VAV3: variants seen among roughly 807,000 people sequenced by gnomAD.
VAV3 encodes the protein vav guanine nucleotide exchange factor 3.
Under a neutral mutation model 131.2 loss-of-function variants are expected in VAV3, and 94 were observed. The ratio of observed to expected loss-of-function variants is 0.72; its 90% CI spans 0.61 to 0.85. VAV3 has a LOEUF of 0.85. Ranked by LOEUF, VAV3 falls within the 40% of genes least tolerant of loss-of-function variation. VAV3 has a pLI of 0.00. For synonymous variants in VAV3, 349 were observed against 342.0 expected, an observed-to-expected ratio of 1.02 and a Z score of -0.22; for missense variants, 939 against 1,002.7, an observed-to-expected ratio of 0.94 and a Z score of 0.86.
intron 24 of VAV3, among the ~76,000 whole-genome samples, chr1:107,598,801 TACAC>T (rs35317053): frequency 3.3e-4 from 49 of 149,860 alleles, no homozygotes; most frequent in Non-Finnish European, 3.0e-4. Context: ...GTCTCTGGAA[TACAC>T]ACACACACAC....
chr1:107,741,007 C>G (rs1662988691), intron 15 of VAV3, among the ~76,000 whole-genome samples: 1 of 152,202 alleles, frequency 6.6e-6, no homozygotes, highest in Non-Finnish European at 1.5e-5. Context: ...AAACAAACCT[C>G]CTGATGAAGA....
chr1:107,617,425 A>T (rs1653242728), intron 21 of VAV3, 142 bp downstream of exon 21: 1 of 640,614 alleles, frequency 1.6e-6, no homozygotes, highest in Non-Finnish European at 2.5e-6. Context: ...AACTATAATG[A>T]TGTTGAAAAT....
At chr1:107,890,055 T>C (rs896632961) in intron 1 of VAV3, among the ~76,000 whole-genome samples, 39 of 152,290 alleles carry the variant, frequency 2.6e-4, no homozygotes, top group African/African-American at 9.4e-4. Context: ...ATTTTAGCTC[T>C]GCTCACTATT....
chr1:107,852,701 A>T (rs1669281604), intron 2 of VAV3, among the ~76,000 whole-genome samples: 1 of 152,178 alleles, frequency 6.6e-6, no homozygotes, highest in Non-Finnish European at 1.5e-5. Context: ...TATGTATATC[A>T]ACTGGTATCT....
intron 1 of VAV3, among the ~76,000 whole-genome samples, chr1:107,924,392 CAA>C (rs78674521): frequency 5.2e-5 from 5 of 95,904 alleles, no homozygotes; most frequent in East Asian, 2.8e-4. Flanking sequence ...GATATTATGA[CAA>C]AAAAAAAAAA....
chr1:107,660,364 G>A (rs573032545), intron 19 of VAV3, among the ~76,000 whole-genome samples: 1 of 152,302 alleles, frequency 6.6e-6, no homozygotes, highest in South Asian at 2.1e-4. Flanking sequence ...AAGTGAGTGG[G>A]AAGGCATTTT....
chr1:107,906,055 A>T (rs1441312536), intron 1 of VAV3, among the ~76,000 whole-genome samples: 1 of 152,144 alleles, frequency 6.6e-6, no homozygotes, highest in Non-Finnish European at 1.5e-5. Flanking sequence ...AAAATCTCCT[A>T]AATTTAAAGT....
At chr1:107,709,552 T>C (rs541996281) in intron 15 of VAV3, among the ~76,000 whole-genome samples, 2 of 152,318 alleles carry the variant, frequency 1.3e-5, no homozygotes, top group South Asian at 2.1e-4. Flanking sequence ...TGTGAGAAAA[T>C]ATTTAAACTT....
At position 107,630,681 on chromosome 1, in the gene VAV3, C is replaced by T. The variant is rs1035521870; in HGVS notation, c.1914+11938G>A. On this transcript the variant is annotated intron_variant, in intron 20 of 26. Coordinates refer to ENST00000370056, the MANE Select transcript of VAV3 (RefSeq NM_006113.5). ...CTCAAAAACAATTAAAACACATTCC[C>T]AGTGGGGGAGTCACATATTTTAGGA... is the stretch of plus-strand genomic sequence containing the variant. 3.9e-5 allele frequency among the ~76,000 whole-genome samples: 6 copies of T among 152,092 alleles called. 1 individual carries two copies. The highest frequency in any genetic ancestry group is 1.4e-4 in the African/African-American group (6 of 41,416).
chr1:107,858,817 T>C (rs1178878566), intron 2 of VAV3, among the ~76,000 whole-genome samples: 1 of 152,182 alleles, frequency 6.6e-6, no homozygotes, highest in African/African-American at 2.4e-5. Flanking sequence ...TTTGGGTAAA[T>C]GCTCCATAGA....
chr1:107,649,757 G>A (rs1302578531), intron 19 of VAV3, among the ~76,000 whole-genome samples: 1 of 152,068 alleles, frequency 6.6e-6, no homozygotes, highest in East Asian at 1.9e-4. Context: ...TTTGTTCTAT[G>A]GGTTCATTCA....
chr1:107,632,054 C>G (rs1654540310), intron 20 of VAV3, among the ~76,000 whole-genome samples: 1 of 152,304 alleles, frequency 6.6e-6, no homozygotes, highest in African/African-American at 2.4e-5. Flanking sequence ...AATCACCACA[C>G]TGACTTCCAC....
chr1:107,586,139 GTTTTTT>G (rs61276973), intron 25 of VAV3, among the ~76,000 whole-genome samples: 2 of 145,794 alleles, frequency 1.4e-5, no homozygotes, highest in South Asian at 2.2e-4. Context: ...CCTTGGCATA[GTTTTTT>G]TTTTTTTTTT....
intron 15 of VAV3, among the ~76,000 whole-genome samples, chr1:107,717,801 T>G (rs1440289628): frequency 1.3e-5 from 2 of 152,186 alleles, no homozygotes; most frequent in Non-Finnish European, 2.9e-5. Context: ...CTTATTAATC[T>G]TCTGTCTCGT....
At chr1:107,756,316 C>T (rs974595021) in intron 11 of VAV3, among the ~76,000 whole-genome samples, 3 of 152,110 alleles carry the variant, frequency 2.0e-5, no homozygotes, top group African/African-American at 7.2e-5. Context: ...TCATCTGCAA[C>T]AGTAGGGACA....
At chr1:107,765,410 T>C (rs958862003) in intron 8 of VAV3, among the ~76,000 whole-genome samples, 3 of 152,224 alleles carry the variant, frequency 2.0e-5, no homozygotes, top group Non-Finnish European at 4.4e-5. Flanking sequence ...ATGTAAATTT[T>C]TATAGCAGGC....
intron 15 of VAV3, among the ~76,000 whole-genome samples, chr1:107,721,049 G>A (rs1661465422): frequency 6.6e-6 from 1 of 152,198 alleles, no homozygotes; most frequent in South Asian, 2.1e-4. Flanking sequence ...GCACAGCACA[G>A]GCTTGATATG....
At position 107,771,889 on chromosome 1, in the gene VAV3, T is replaced by C. The variant is rs548008298; in HGVS notation, c.555+846A>G. Among the ~76,000 whole-genome samples the C allele has an allele frequency of 2.2e-4, 34 of 152,350 alleles. 1 individual carries two copies. The South Asian group carries it at 7.0e-3, about 32-fold the overall frequency. Reference sequence around the variant, plus strand: ...CTGCCACAGATGGGCTGTCAGCCTATGCAATGGTTAAACCACACTTGCGTT... The same window carrying C: ...CTGCCACAGATGGGCTGTCAGCCTACGCAATGGTTAAACCACACTTGCGTT... On this transcript the variant is annotated intron_variant, in intron 5 of 26. Coordinates refer to ENST00000370056, the MANE Select transcript of VAV3 (RefSeq NM_006113.5).
At chr1:107,693,877 G>A (rs773010096) in intron 17 of VAV3, among the ~76,000 whole-genome samples, 1 of 152,154 alleles carries the variant, frequency 6.6e-6, no homozygotes, top group Non-Finnish European at 1.5e-5. Flanking sequence ...TTGCAGTTAG[G>A]TTGAAGCCAT....
Sources: allele counts gnomAD v4.1 joint callset (sites outside exome capture counted in the v4.1 genomes callset), GRCh38; gene constraint gnomAD v4.1.1; transcripts MANE v1.5; gene names NCBI Gene and HGNC (gene_info 2026-07-23, HGNC 2026-07-21).